The following GKAP1 variants were observed in gnomAD, a reference collection of about 807,000 sequenced individuals.
The protein encoded by GKAP1 is G kinase anchoring protein 1.
A neutral mutation model predicts 56.7 loss-of-function variants in GKAP1; 31 were observed. That is an observed-to-expected ratio of 0.55 (90% CI 0.41 to 0.74). The LOEUF is 0.74. Among genes scored for constraint, GKAP1 ranks in the 30% least tolerant of loss-of-function variants. The pLI, the probability that GKAP1 is intolerant of heterozygous loss-of-function variation, is 0.00. For missense variants in GKAP1, 364 were observed against 402.3 expected (o/e 0.90, Z 0.82); for synonymous variants, 151 against 138.6 (o/e 1.09, Z -0.63).
chr9:83,773,118 T>G (rs1943790928), intron 7 of GKAP1, among the ~76,000 whole-genome samples: 1 of 152,172 alleles, frequency 6.6e-6, no homozygotes, highest in Admixed American at 6.5e-5. Context: ...CACAAAGACA[T>G]ACGTCAAATG....
chr9:83,755,248 A>G (rs1000131124), intron 8 of GKAP1, among the ~76,000 whole-genome samples: 8 of 152,210 alleles, frequency 5.3e-5, no homozygotes, highest in African/African-American at 1.9e-4. Flanking sequence ...AATGCCAAAC[A>G]ATAGGATATA....
intron 4 of GKAP1, among the ~76,000 whole-genome samples, chr9:83,794,007 A>AAAAC (rs1944204770): frequency 6.6e-6 from 1 of 152,032 alleles, no homozygotes; most frequent in African/African-American, 2.4e-5. Context: ...TCTCTACTAA[A>AAAAC]AATACAAAAA....
At chr9:83,814,670 G>A (rs1944557984) in intron 2 of GKAP1, among the ~76,000 whole-genome samples, 1 of 152,196 alleles carries the variant, frequency 6.6e-6, no homozygotes, top group Admixed American at 6.6e-5. Flanking sequence ...CATTCTTCAA[G>A]TACACAGCTG....
chr9:83,801,292 G>GTC (rs1222664433), intron 3 of GKAP1, among the ~76,000 whole-genome samples: 1 of 152,118 alleles, frequency 6.6e-6, no homozygotes, highest in Admixed American at 6.5e-5. Flanking sequence ...TCTACTCAGA[G>GTC]TCTCAGAGAA....
chr9:83,747,058 GATTA>G (rs904809798), intron 10 of GKAP1, among the ~76,000 whole-genome samples: 1 of 152,152 alleles, frequency 6.6e-6, no homozygotes, highest in African/African-American at 2.4e-5. Context: ...GAAAACTGTT[GATTA>G]ATTTTGTCTA....
Position 83,774,702 on chromosome 9 carries a change from C to CTTT in GKAP1, c.585+5677_585+5679dup, listed in dbSNP as rs1168792305. 1.2e-4 allele frequency among the ~76,000 whole-genome samples: 13 copies of CTTT among 104,920 alleles called. 1 individual carries two copies. The highest frequency in any genetic ancestry group is 2.5e-4 in the African/African-American group (7 of 27,534). 68.8% of individuals were successfully genotyped at this position (104,920 alleles called of 152,430 possible). ...GAAACTATCAATAAACAGAAACCCC[C>CTTT]TTTTTTTTTTTTTTTTTTTTTTTTT... On this transcript the variant is annotated intron_variant, in intron 7 of 12. Coordinates refer to ENST00000376371, the MANE Select transcript of GKAP1 (RefSeq NM_025211.4).
At chr9:83,747,758 T>C (rs1943318806) in intron 10 of GKAP1, among the ~76,000 whole-genome samples, 1 of 152,082 alleles carries the variant, frequency 6.6e-6, no homozygotes, top group Non-Finnish European at 1.5e-5. Context: ...TGCCTCAGTT[T>C]CCCGAGCAGC....
chr9:83,790,191 C>A (rs1220047412), intron 4 of GKAP1, among the ~76,000 whole-genome samples: 1 of 151,982 alleles, frequency 6.6e-6, no homozygotes, highest in Non-Finnish European at 1.5e-5. Context: ...CAGAAAAATA[C>A]AATTAGAATT....
At chr9:83,775,230 C>A (rs1383633664) in intron 7 of GKAP1, among the ~76,000 whole-genome samples, 1 of 152,034 alleles carries the variant, frequency 6.6e-6, no homozygotes, top group Non-Finnish European at 1.5e-5. Context: ...TGGTCTGGAT[C>A]TCCTGGCCTC....
intron 8 of GKAP1, among the ~76,000 whole-genome samples, chr9:83,757,706 G>A (rs1943499667): frequency 6.6e-6 from 1 of 152,106 alleles, no homozygotes; most frequent in Non-Finnish European, 1.5e-5. Flanking sequence ...CAGAAAGATT[G>A]GTTAGATTAC....
At chr9:83,805,642 G>T (rs184929864) in intron 3 of GKAP1, among the ~76,000 whole-genome samples, 1 of 151,612 alleles carries the variant, frequency 6.6e-6, no homozygotes, top group Non-Finnish European at 1.5e-5. Context: ...GTATTAGAAG[G>T]ATATATACAT....
chr9:83,753,060 A>AAAC (rs113320506), intron 9 of GKAP1, among the ~76,000 whole-genome samples, 198 bp downstream of exon 9: 20,450 of 149,482 alleles, frequency 0.14, 1,548 homozygotes, highest in Non-Finnish European at 0.14. Flanking sequence ...ACTCCATCTC[A>AAAC]AACAACAACA....
At chr9:83,770,823 G>C (rs1943745890) in intron 7 of GKAP1, among the ~76,000 whole-genome samples, 1 of 151,944 alleles carries the variant, frequency 6.6e-6, no homozygotes, top group Admixed American at 6.6e-5. Flanking sequence ...GCCTCCCAAA[G>C]TGCTGGGATT....
intron 6 of GKAP1, among the ~76,000 whole-genome samples, chr9:83,782,345 C>T (rs1250767409): frequency 1.3e-5 from 2 of 151,042 alleles, no homozygotes; most frequent in African/African-American, 2.4e-5. Flanking sequence ...ATCTTTTTTA[C>T]TAATCTTGGA....
chr9:83,783,261 G>A (rs950433307), intron 6 of GKAP1, among the ~76,000 whole-genome samples: 3 of 152,128 alleles, frequency 2.0e-5, no homozygotes, highest in African/African-American at 7.2e-5. Flanking sequence ...ACAAATAGCT[G>A]TTCATACGGT....
At chr9:83,740,346 G>A (rs1943185516) in intron 12 of GKAP1, among the ~76,000 whole-genome samples, 1 of 151,782 alleles carries the variant, frequency 6.6e-6, no homozygotes, top group Non-Finnish European at 1.5e-5. Flanking sequence ...GGACAAGAAG[G>A]GTTTTACATA....
chr9:83,755,718 A>G (rs539840482), intron 8 of GKAP1, among the ~76,000 whole-genome samples: 1 of 140,156 alleles, frequency 7.1e-6, no homozygotes, highest in East Asian at 2.1e-4. Context: ...ATTGCAACCA[A>G]TATGACAGAC....
chr9:83,811,545 GACAA>G (rs1944505974), intron 2 of GKAP1, among the ~76,000 whole-genome samples: 1 of 152,106 alleles, frequency 6.6e-6, no homozygotes, highest in African/African-American at 2.4e-5. Context: ...AAGAACCAAT[GACAA>G]ACACTCAAAA....
intron 8 of GKAP1, among the ~76,000 whole-genome samples, chr9:83,761,740 G>A (rs1287686941): frequency 6.6e-6 from 1 of 152,110 alleles, no homozygotes; most frequent in African/African-American, 2.4e-5. Context: ...GGAATGCAAG[G>A]CTGGTTCAAC....
Sources: allele counts gnomAD v4.1 joint callset (sites outside exome capture counted in the v4.1 genomes callset), GRCh38; gene constraint gnomAD v4.1.1; transcripts MANE v1.5; gene names NCBI Gene and HGNC (gene_info 2026-07-23, HGNC 2026-07-21).